ATP9B: variants seen among roughly 807,000 people sequenced by gnomAD.
ATP9B encodes probable phospholipid-transporting ATPase IIB.
ATP9B carries 110 observed loss-of-function variants against 146.1 expected under a neutral mutation model. The observed-to-expected ratio is 0.75, with a 90% confidence interval of 0.65 to 0.88. The LOEUF is 0.88. ATP9B is among the 40% of genes least tolerant of loss of function. The probability of loss-of-function intolerance (pLI) is 0.00; values close to 1 mark genes in which losing one functional copy is unlikely to be tolerated. For missense variants in ATP9B, 1,499 were observed against 1,496.4 expected, an observed-to-expected ratio of 1.00 and a Z score of -0.03; for synonymous variants, 604 against 569.7, an observed-to-expected ratio of 1.06 and a Z score of -0.86.
chr18:79,334,800 G>A (rs561567810), intron 17 of ATP9B, among the ~76,000 whole-genome samples: 2 of 150,168 alleles, frequency 1.3e-5, no homozygotes, highest in African/African-American at 4.9e-5. Context: ...CCTTGTGCCG[G>A]ATAGGAGACC....
chr18:79,104,933 G>A (rs2075555811), intron 2 of ATP9B, among the ~76,000 whole-genome samples: 1 of 152,044 alleles, frequency 6.6e-6, no homozygotes, highest in Non-Finnish European at 1.5e-5. Flanking sequence ...TATAGAGGCA[G>A]GGTCTTTCTA....
chr18:79,209,644 C>T (rs1324201864), intron 10 of ATP9B: 1 of 985,204 alleles, frequency 1.0e-6, no homozygotes, highest in African/African-American at 1.7e-5. Context: ...TTCTCTTTGC[C>T]ATCTAGCATT....
intron 11 of ATP9B, among the ~76,000 whole-genome samples, chr18:79,236,277 G>A (rs567040597): frequency 3.3e-5 from 5 of 152,310 alleles, no homozygotes; most frequent in African/African-American, 1.2e-4. Context: ...CGGCATGGGT[G>A]TCTGGACGTC....
chr18:79,261,296 A>G (rs1382811905), intron 12 of ATP9B, among the ~76,000 whole-genome samples: 2 of 152,094 alleles, frequency 1.3e-5, no homozygotes, highest in Non-Finnish European at 2.9e-5. Context: ...TGTGAGTGGG[A>G]CCTTACTTGA....
chr18:79,159,838 G>T (rs1427035727), intron 7 of ATP9B, among the ~76,000 whole-genome samples: 1 of 152,144 alleles, frequency 6.6e-6, no homozygotes, highest in East Asian at 1.9e-4. Context: ...TCAGGATTCT[G>T]TCCTAAGCAC....
At chr18:79,222,751 G>A (rs1436516170) in intron 11 of ATP9B, among the ~76,000 whole-genome samples, 1 of 152,000 alleles carries the variant, frequency 6.6e-6, no homozygotes, top group Non-Finnish European at 1.5e-5. Context: ...AAAATTTTAA[G>A]ACTAAACAAA....
chr18:79,160,158 C>T (rs2147729233), intron 7 of ATP9B, among the ~76,000 whole-genome samples: 1 of 152,300 alleles, frequency 6.6e-6, no homozygotes, highest in Admixed American at 6.5e-5. Context: ...AATTCCCCAT[C>T]ATTTCTATTA....
chr18:79,131,531 G>A (rs2094378457), intron 5 of ATP9B, among the ~76,000 whole-genome samples: 1 of 152,222 alleles, frequency 6.6e-6, no homozygotes, highest in Non-Finnish European at 1.5e-5. Context: ...TCGAGTGCTG[G>A]AGAGGATCTG....
intron 11 of ATP9B, among the ~76,000 whole-genome samples, chr18:79,233,592 C>T (rs534085486): frequency 3.3e-5 from 5 of 152,344 alleles, no homozygotes; most frequent in Admixed American, 6.5e-5. Flanking sequence ...CCAGACCCCA[C>T]ACATGAGGCC....
intron 7 of ATP9B, among the ~76,000 whole-genome samples, chr18:79,165,839 A>C (rs550619786): frequency 6.6e-6 from 1 of 152,262 alleles, no homozygotes; most frequent in South Asian, 2.1e-4. Context: ...CCAATTCCTG[A>C]CAGGCTTGGC....
Position 79,347,894 on chromosome 18 carries a change from T to C in ATP9B, c.2807T>C (p.Met936Thr). Residue 936 changes from methionine (M) to threonine (T), a missense_variant, in exon 24 of 30, where the codon ATG becomes ACG. Physicochemically the swap from Met to Thr is moderately conservative, Grantham distance 81. Coordinates refer to ENST00000426216, the MANE Select transcript of ATP9B (RefSeq NM_198531.5). ...KRSAALGQFV[M>T]HRGLIISTMQ... Reference sequence around the variant, plus strand: ...TCGGCGGCACTCGGCCAGTTCGTCATGCACAGGGGCCTTATCATCTCCACC... The same window carrying C: ...TCGGCGGCACTCGGCCAGTTCGTCACGCACAGGGGCCTTATCATCTCCACC... 3 of 1,613,630 alleles carry C rather than the reference T, an allele frequency of 1.9e-6. No individual in the cohort carries two copies. The highest frequency in any genetic ancestry group is 2.2e-5 in the East Asian group (1 of 44,868).
chr18:79,127,933 C>G (rs2094314354), intron 5 of ATP9B, among the ~76,000 whole-genome samples: 1 of 151,688 alleles, frequency 6.6e-6, no homozygotes, highest in Non-Finnish European at 1.5e-5. Context: ...GAAGTAGTAT[C>G]TCATTGTGGT....
chr18:79,126,146 A>T, intron 4 of ATP9B, 121 bp from the exon 5 acceptor site: 2 of 767,798 alleles, frequency 2.6e-6, no homozygotes, highest in Admixed American at 3.1e-5. Flanking sequence ...TTTGGTTTTC[A>T]TTTATTTTAT....
chr18:79,370,847 A>G (rs1045029851), intron 26 of ATP9B, among the ~76,000 whole-genome samples: 1 of 152,250 alleles, frequency 6.6e-6, no homozygotes, highest in Non-Finnish European at 1.5e-5. Context: ...AATACATTTC[A>G]GCAAATCAGG....
chr18:79,265,192 G>T (rs1411601863), intron 12 of ATP9B, among the ~76,000 whole-genome samples: 1 of 152,196 alleles, frequency 6.6e-6, no homozygotes, highest in Admixed American at 6.5e-5. Flanking sequence ...CTGTTTCTGC[G>T]ATAGTTTGCT....
intron 9 of ATP9B, among the ~76,000 whole-genome samples, chr18:79,205,920 T>C (rs1341973270): frequency 6.6e-6 from 1 of 152,138 alleles, no homozygotes; most frequent in African/African-American, 2.4e-5. Flanking sequence ...TTTAAGAATA[T>C]TTCGTGTAAT....
chr18:79,309,533 A>C (rs1436224673), intron 15 of ATP9B, among the ~76,000 whole-genome samples: 1 of 143,518 alleles, frequency 7.0e-6, no homozygotes, highest in African/African-American at 2.6e-5. Flanking sequence ...GTAGAAGGTC[A>C]GGGGTGGTGG....
intron 13 of ATP9B, among the ~76,000 whole-genome samples, chr18:79,289,868 G>C (rs980009290): frequency 1.3e-5 from 2 of 152,204 alleles, no homozygotes; most frequent in South Asian, 2.1e-4. Flanking sequence ...GGAGCTTGCT[G>C]GAGGTCCACT....
At chr18:79,376,946 G>A (rs1246390560) in intron 29 of ATP9B, among the ~76,000 whole-genome samples, 1 of 152,042 alleles carries the variant, frequency 6.6e-6, no homozygotes, top group Non-Finnish European at 1.5e-5. Flanking sequence ...TGATCCGTCT[G>A]CCTTGGCCTC....
Sources: gnomAD v4.1 joint callset for allele counts (sites outside exome capture counted in the v4.1 genomes callset) on GRCh38, gnomAD v4.1.1 for gene constraint, MANE v1.5 for transcripts, NCBI Gene and HGNC (gene_info 2026-07-23, HGNC 2026-07-21) for gene names.